Variants in ENTREP2 observed in about 807,000 individuals in gnomAD.
ENTREP2 encodes the protein endosomal transmembrane epsin interactor 2.
At chr15:29,298,527 G>C in the ENTREP2 span, among the ~76,000 whole-genome samples, 2 of 152,128 alleles carry the variant, frequency 1.3e-5, no homozygotes, top group Admixed American at 6.5e-5. Flanking sequence ...AAATGGAAAG[G>C]AGGTATCACT....
At chr15:29,377,141 C>T in the ENTREP2 span, among the ~76,000 whole-genome samples, 1 of 152,092 alleles carries the variant, frequency 6.6e-6, no homozygotes, top group Non-Finnish European at 1.5e-5. Flanking sequence ...AAATCATTAG[C>T]ACAGACAATA....
At chr15:29,644,813 T>TA in the ENTREP2 span, among the ~76,000 whole-genome samples, 3,353 of 61,102 alleles carry the variant, frequency 0.055, 48 homozygotes, top group Middle Eastern at 0.1. Context: ...TCCATCTCCA[T>TA]AAAAAAAAAA....
chr15:29,471,661 G>A, the ENTREP2 span, among the ~76,000 whole-genome samples: 1 of 152,148 alleles, frequency 6.6e-6, no homozygotes, highest in Non-Finnish European at 1.5e-5. Flanking sequence ...GGCAATGCAC[G>A]CATACACCGG....
At chr15:29,198,521 T>C in the ENTREP2 span, among the ~76,000 whole-genome samples, 1 of 152,258 alleles carries the variant, frequency 6.6e-6, no homozygotes, top group African/African-American at 2.4e-5. Context: ...GTAACTAATA[T>C]AATAGTATCT....
the ENTREP2 span, among the ~76,000 whole-genome samples, chr15:29,129,784 G>T: frequency 1.3e-5 from 2 of 152,168 alleles, no homozygotes; most frequent in Admixed American, 6.5e-5. Flanking sequence ...CCACCTCAGA[G>T]GGCATCAGGG....
At chr15:29,309,145 G>A in the ENTREP2 span, among the ~76,000 whole-genome samples, 1 of 152,138 alleles carries the variant, frequency 6.6e-6, no homozygotes, top group East Asian at 1.9e-4. Flanking sequence ...AAAACCCTAG[G>A]AGATTAGAGG....
At chr15:29,327,990 A>G in the ENTREP2 span, among the ~76,000 whole-genome samples, 1 of 152,238 alleles carries the variant, frequency 6.6e-6, no homozygotes, top group African/African-American at 2.4e-5. Context: ...GTGATTGTTT[A>G]TAGCAGCTTT....
At chr15:29,638,350 G>C in the ENTREP2 span, among the ~76,000 whole-genome samples, 1 of 152,166 alleles carries the variant, frequency 6.6e-6, no homozygotes, top group Non-Finnish European at 1.5e-5. Context: ...AGGATTCCAA[G>C]GGCATAGTCC....
At chr15:29,143,466 G>A in the ENTREP2 span, among the ~76,000 whole-genome samples, 1 of 152,348 alleles carries the variant, frequency 6.6e-6, no homozygotes, top group East Asian at 1.9e-4. Flanking sequence ...AAATTGGGAA[G>A]AGGTGCTCCT....
chr15:29,503,765 T>C, the ENTREP2 span, among the ~76,000 whole-genome samples: 1 of 152,188 alleles, frequency 6.6e-6, no homozygotes, highest in Non-Finnish European at 1.5e-5. Context: ...ATTACAAAGA[T>C]GGGTCATGCA....
At chr15:29,283,206 A>C in the ENTREP2 span, among the ~76,000 whole-genome samples, 1 of 152,160 alleles carries the variant, frequency 6.6e-6, no homozygotes, top group African/African-American at 2.4e-5. Context: ...CTTGAAAGAG[A>C]AGTTGCAAGG....
chr15:29,368,756 A>T, the ENTREP2 span, among the ~76,000 whole-genome samples: 1 of 152,058 alleles, frequency 6.6e-6, no homozygotes, highest in Non-Finnish European at 1.5e-5. Context: ...ACTCACCTGT[A>T]ATCTCAGCTA....
At chr15:29,222,407 G>C in the ENTREP2 span, among the ~76,000 whole-genome samples, 1 of 152,170 alleles carries the variant, frequency 6.6e-6, no homozygotes, top group Non-Finnish European at 1.5e-5. Flanking sequence ...TGCCTATGGA[G>C]AGCCATTCTT....
At chr15:29,623,076 G>A in the ENTREP2 span, among the ~76,000 whole-genome samples, 2 of 152,198 alleles carry the variant, frequency 1.3e-5, no homozygotes, top group Admixed American at 6.5e-5. Context: ...TTTATACTTT[G>A]TTAAATTATC....
chr15:29,389,166 AAAG>A, the ENTREP2 span, among the ~76,000 whole-genome samples: 8 of 152,022 alleles, frequency 5.3e-5, no homozygotes, highest in Non-Finnish European at 8.8e-5. Context: ...AAAAAAAAAA[AAAG>A]AATGCAAGTC....
chr15:29,432,959 C>T, the ENTREP2 span, among the ~76,000 whole-genome samples: 1 of 152,228 alleles, frequency 6.6e-6, no homozygotes, highest in Non-Finnish European at 1.5e-5. Context: ...TCATCGCACG[C>T]CCACCTCCAT....
the ENTREP2 span, among the ~76,000 whole-genome samples, chr15:29,623,720 GA>G: frequency 6.6e-6 from 1 of 152,036 alleles, no homozygotes; most frequent in African/African-American, 2.4e-5. Flanking sequence ...GATAATAGGA[GA>G]AAAAAAGTCA....
the ENTREP2 span, among the ~76,000 whole-genome samples, chr15:29,657,741 C>T: frequency 6.6e-6 from 1 of 152,072 alleles, no homozygotes; most frequent in Non-Finnish European, 1.5e-5. Context: ...TTACAATCCT[C>T]TTGTAAGACA....
the ENTREP2 span, among the ~76,000 whole-genome samples, chr15:29,230,207 T>C: frequency 1.3e-5 from 2 of 152,234 alleles, no homozygotes; most frequent in Non-Finnish European, 2.9e-5. Flanking sequence ...AGGTGGACTA[T>C]AGCAATGGCC....
Sources: gnomAD v4.1 joint callset for allele counts (sites outside exome capture counted in the v4.1 genomes callset) on GRCh38, gnomAD v4.1.1 for gene constraint, MANE v1.5 for transcripts, NCBI Gene and HGNC (gene_info 2026-07-23, HGNC 2026-07-21) for gene names.